CMBL: variants seen among roughly 807,000 people sequenced by gnomAD.
CMBL encodes the protein carboxymethylenebutenolidase homolog, also known as carboxymethylenebutenolidase homolog (Pseudomonas).
A neutral mutation model predicts 28.7 loss-of-function variants in CMBL; 17 were observed. That is an observed-to-expected ratio of 0.59 (90% confidence interval 0.41 to 0.89). CMBL has a LOEUF of 0.89. Among genes scored for constraint, CMBL ranks in the 40% least tolerant of loss-of-function variants. CMBL has a pLI of 0.00. For synonymous variants in CMBL, 106 were observed against 101.6 expected (o/e 1.04, Z -0.26); for missense variants, 310 against 298.5 (o/e 1.04, Z -0.28).
rs1414572417 is a variant in CMBL, at chr5:10,277,703, A to C, written c.*2750T>G. 6.6e-6 allele frequency among the ~76,000 whole-genome samples: 1 copy of C among 152,206 alleles called. No homozygotes were observed. Among genetic ancestry groups the C allele is most frequent in the Non-Finnish European group, 1.5e-5 (1 of 68,038 alleles). ...TTTACCTTCATTTATCTGTTTGTCT[A>C]ATAGTCACTGAAGAACATATCTTTT... On this transcript the variant is annotated 3_prime_UTR_variant, in exon 6 of 6. Transcript: ENST00000296658.
At chr5:10,297,483 T>G (rs971294850) in intron 1 of CMBL, among the ~76,000 whole-genome samples, 1 of 148,840 alleles carries the variant, frequency 6.7e-6, no homozygotes, top group African/African-American at 2.5e-5. Flanking sequence ...GGCAGGAGAA[T>G]CGCTTGAACC....
intron 4 of CMBL, among the ~76,000 whole-genome samples, chr5:10,283,264 G>C (rs890314125): frequency 6.6e-6 from 1 of 152,148 alleles, no homozygotes; most frequent in African/African-American, 2.4e-5. Flanking sequence ...GGAATGTCCC[G>C]CTGGGATGTA....
Position 10,278,495 on chromosome 5 carries a change from C to G in CMBL, c.*1958G>C, listed in dbSNP as rs1199989069. On this transcript the variant is annotated 3_prime_UTR_variant, in exon 6 of 6. Coordinates refer to ENST00000296658, the MANE Select transcript of CMBL (RefSeq NM_138809.4). ...CTCATGCCTGCTTGCTCTAAACCCCCCAGTTAGAACCTCCAGGGGAAACCT... is the reference window on the plus strand; with the variant it reads ...CTCATGCCTGCTTGCTCTAAACCCCGCAGTTAGAACCTCCAGGGGAAACCT... Among the ~76,000 whole-genome samples, 1 of 152,076 alleles carries G rather than the reference C, an allele frequency of 6.6e-6. No individual in the cohort carries two copies. The highest frequency in any genetic ancestry group is 2.4e-5 in the African/African-American group (1 of 41,408).
chr5:10,284,066 G>C (rs1019375463), intron 4 of CMBL, among the ~76,000 whole-genome samples: 1 of 152,206 alleles, frequency 6.6e-6, no homozygotes, highest in African/African-American at 2.4e-5. Flanking sequence ...AGGTGACCAC[G>C]CTCCCTTCCC....
intron 4 of CMBL, 80 bp downstream of exon 4, chr5:10,286,274 T>C: frequency 7.1e-7 from 1 of 1,410,662 alleles, no homozygotes; most frequent in Non-Finnish European, 9.8e-7. Context: ...TGTGTTACAC[T>C]GGATGGGGAG....
At chr5:10,303,152 TC>T (rs1746941254) in intron 1 of CMBL, among the ~76,000 whole-genome samples, 1 of 152,144 alleles carries the variant, frequency 6.6e-6, no homozygotes, top group Admixed American at 6.6e-5. Flanking sequence ...AACCTTTGAA[TC>T]CCCCTGTGAC....
Position 10,280,489 on chromosome 5 carries a change from T to A in CMBL, c.702A>T (p.Arg234Ser). 6.2e-7 allele frequency: 1 copy of A among 1,610,774 alleles called. No homozygotes were observed. Among genetic ancestry groups the A allele is most frequent in the South Asian group, 1.1e-5 (1 of 90,774 alleles). The change falls in exon 6 of 6, where the codon AGA (arginine) becomes AGT (serine). Residue 234 changes from arginine to serine, a missense_variant. Coordinates refer to ENST00000296658, the MANE Select transcript of CMBL (RefSeq NM_138809.4). ...TGTTCAGCCACTCAATTAAATTCCT[T>A]CTGGCCTCGTCAATGTAGGGCTTGT... ...PADKPYIDEA[R>S]RNLIEWLNKY...
intron 4 of CMBL, among the ~76,000 whole-genome samples, chr5:10,282,644 G>A (rs1256990447): frequency 6.6e-6 from 1 of 152,078 alleles, no homozygotes; most frequent in Non-Finnish European, 1.5e-5. Flanking sequence ...TAAGCCGGGT[G>A]TGGTGGTGCA....
At position 10,277,963 on chromosome 5, in the gene CMBL, C is replaced by T. The variant is rs1746424184; in HGVS notation, c.*2490G>A. On this transcript the variant is annotated 3_prime_UTR_variant, in exon 6 of 6. Transcript: ENST00000296658. ...CCGACACCGTTCCACGGCAAAAGCC[C>T]AGCACATCTCAGGGGTTTCCTGGGA... Among the ~76,000 whole-genome samples, 1 of 152,208 alleles carries T rather than the reference C, an allele frequency of 6.6e-6. No individual in the cohort carries two copies. Among genetic ancestry groups the T allele is most frequent in the Non-Finnish European group, 1.5e-5 (1 of 68,034 alleles).
rs1356500138 is a variant in CMBL, at chr5:10,277,806, G to A, written c.*2647C>T. 6.6e-6 allele frequency among the ~76,000 whole-genome samples: 1 copy of A among 152,194 alleles called. No homozygotes were observed. Among genetic ancestry groups the A allele is most frequent in the Non-Finnish European group, 1.5e-5 (1 of 68,026 alleles). The stretch of plus-strand genomic sequence containing the variant: ...AGAACACCATGACATTTGACCAAAG[G>A]ACTCAGCAGAGGGAAGGCTGCCCAG... On this transcript the variant is annotated 3_prime_UTR_variant, in exon 6 of 6. Coordinates refer to ENST00000296658, the MANE Select transcript of CMBL (RefSeq NM_138809.4).
At chr5:10,283,117 A>G (rs555595834) in intron 4 of CMBL, among the ~76,000 whole-genome samples, 1 of 149,042 alleles carries the variant, frequency 6.7e-6, no homozygotes, top group Non-Finnish European at 1.5e-5. Flanking sequence ...AGAGGATTAT[A>G]AGAGTACAAG....
chr5:10,291,858 C>T (rs527767084), intron 1 of CMBL, among the ~76,000 whole-genome samples: 25 of 152,044 alleles, frequency 1.6e-4, no homozygotes, highest in Non-Finnish European at 3.1e-4. Context: ...AAATACGACC[C>T]GCTGAAGAGC....
chr5:10,282,358 C>T (rs57314188), intron 4 of CMBL, 70 bp from the exon 5 acceptor site: 9,362 of 871,274 alleles, frequency 0.011, 121 homozygotes, highest in African/African-American at 0.051. Context: ...ACACCCATGC[C>T]GCATGATCCC....
intron 1 of CMBL, among the ~76,000 whole-genome samples, chr5:10,299,916 C>T (rs1301439943): frequency 6.6e-6 from 1 of 152,118 alleles, no homozygotes; most frequent in South Asian, 2.1e-4. Context: ...TTCTTGGCAC[C>T]ACTAATATGA....
chr5:10,294,536 C>T (rs1316177024), intron 1 of CMBL, among the ~76,000 whole-genome samples: 1 of 151,674 alleles, frequency 6.6e-6, no homozygotes, highest in African/African-American at 2.4e-5. Context: ...GGCACTCCAG[C>T]CTGGATGACA....
At chr5:10,306,546 A>G (rs16884545) in intron 1 of CMBL, among the ~76,000 whole-genome samples, 5,139 of 152,306 alleles carry the variant, frequency 0.034, 282 homozygotes, top group African/African-American at 0.11. Flanking sequence ...TCAGGGTTAC[A>G]GAGGACCCCA....
intron 5 of CMBL, among the ~76,000 whole-genome samples, chr5:10,281,631 T>C (rs1047146309): frequency 2.0e-5 from 3 of 152,220 alleles, no homozygotes; most frequent in Admixed American, 1.3e-4. Flanking sequence ...TGGGTTAGCA[T>C]GGAGGTGGGG....
At chr5:10,283,814 T>C (rs909106311) in intron 4 of CMBL, among the ~76,000 whole-genome samples, 1 of 152,344 alleles carries the variant, frequency 6.6e-6, no homozygotes, top group African/African-American at 2.4e-5. Flanking sequence ...TCATTCGAGA[T>C]TAATTCTGAA....
At chr5:10,291,267 C>T (rs57176503) in intron 1 of CMBL, among the ~76,000 whole-genome samples, 1 of 151,978 alleles carries the variant, frequency 6.6e-6, no homozygotes, top group Non-Finnish European at 1.5e-5. Flanking sequence ...TCATGTCTCA[C>T]GGAAGGGGGC....
Sources: gnomAD v4.1 joint callset for allele counts (sites outside exome capture counted in the v4.1 genomes callset) on GRCh38, gnomAD v4.1.1 for gene constraint, MANE v1.5 for transcripts, NCBI Gene and HGNC (gene_info 2026-07-23, HGNC 2026-07-21) for gene names.